The following PAK3 variants were observed in gnomAD, a reference collection of about 807,000 sequenced individuals.
The protein encoded by PAK3 is serine/threonine-protein kinase PAK 3.
Under a neutral mutation model 41.0 loss-of-function variants are expected in PAK3, and 4 were observed. The observed-to-expected ratio is 0.10, with a 90% confidence interval of 0.05 to 0.22. The LOEUF (loss-of-function observed/expected upper bound fraction) is 0.22. Among genes scored for constraint, PAK3 ranks in the 10% least tolerant of loss-of-function variants. The pLI, the probability that PAK3 is intolerant of heterozygous loss-of-function variation, is 1.00. For missense variants in PAK3, 205 were observed against 409.9 expected (o/e 0.50, Z 4.32); for synonymous variants, 146 against 139.6 (o/e 1.05, Z -0.32).
At chrX:111,210,124 T>C (rs1359878698) in intron 16 of PAK3, among the ~76,000 whole-genome samples, 1 of 111,567 alleles carries the variant, frequency 9.0e-6, no homozygotes, top group Non-Finnish European at 1.9e-5. Context: ...AGCCACCGTT[T>C]TTCTGGCCAA....
chrX:111,145,363 C>T (rs944846333), intron 6 of PAK3, among the ~76,000 whole-genome samples: 4 of 112,076 alleles, frequency 3.6e-5, no homozygotes, highest in Non-Finnish European at 7.5e-5. Flanking sequence ...GATCATAAAA[C>T]TATTTATCAC....
intron 4 of PAK3, among the ~76,000 whole-genome samples, chrX:111,118,375 T>A (rs369831737): frequency 9.0e-6 from 1 of 110,899 alleles, no homozygotes; most frequent in East Asian, 2.8e-4. Context: ...TGTATGCCTT[T>A]GGTTAAAAGA....
chrX:111,098,331 CAAAAA>C (rs3835301), intron 3 of PAK3, among the ~76,000 whole-genome samples: 10 of 89,830 alleles, frequency 1.1e-4, no homozygotes, highest in Admixed American at 3.7e-4. Flanking sequence ...GTGGCCAAGG[CAAAAA>C]AAAAAAAAAA....
At chrX:110,972,640 C>G (rs1181054073) in intron 1 of PAK3, among the ~76,000 whole-genome samples, 2 of 111,763 alleles carry the variant, frequency 1.8e-5, no homozygotes, top group African/African-American at 6.5e-5. Flanking sequence ...TTCTAAAAAT[C>G]AGAGTGCCTC....
At chrX:111,192,455 A>G (rs1430085444) in intron 12 of PAK3, 51 bp from the exon 13 acceptor site, 1 of 684,704 alleles carries the variant, frequency 1.5e-6, no homozygotes, top group Non-Finnish European at 2.4e-6. Context: ...ATGAATATTC[A>G]TGTTTATTAT....
chrX:111,057,578 GTTAACA>G (rs1394282805), intron 1 of PAK3, among the ~76,000 whole-genome samples: 1 of 111,537 alleles, frequency 9.0e-6, no homozygotes, highest in Non-Finnish European at 1.9e-5. Flanking sequence ...TTAATATCCA[GTTAACA>G]TTCAAATTTC....
rs186818632 is a variant in PAK3 at position 111,173,422 on chromosome X, G to A, written c.830+341G>A. ...AGCTTACGTAAAAACCCCCTTTATC[G>A]CAGTTCCCCCTACAGCCACATGGAT... On this transcript the variant is annotated intron_variant, in intron 11 of 17. Transcript: ENST00000372007. Among the ~76,000 whole-genome samples, 10 of 111,064 alleles carry A rather than the reference G, an allele frequency of 9.0e-5. No homozygotes were observed. The Admixed American group carries it at 9.6e-4, about 11-fold the overall frequency.
intron 1 of PAK3, among the ~76,000 whole-genome samples, chrX:110,963,030 A>G (rs1015676202): frequency 2.7e-5 from 3 of 111,940 alleles, no homozygotes; most frequent in Non-Finnish European, 5.6e-5. Context: ...TGTTATACAC[A>G]TGAAATACAG....
intron 4 of PAK3, among the ~76,000 whole-genome samples, chrX:111,108,821 G>A (rs1388932002): frequency 1.8e-5 from 2 of 112,487 alleles, no homozygotes; most frequent in African/African-American, 6.5e-5. Flanking sequence ...TGCAGGACTG[G>A]CTGAATATTA....
intron 1 of PAK3, among the ~76,000 whole-genome samples, chrX:111,086,224 A>T (rs1218927333): frequency 9.0e-6 from 1 of 111,561 alleles, no homozygotes; most frequent in East Asian, 2.8e-4. Context: ...TTTACCACAA[A>T]TCTGTAAGAG....
At chrX:111,199,398 C>T (rs2094653173) in intron 16 of PAK3, among the ~76,000 whole-genome samples, 1 of 111,062 alleles carries the variant, frequency 9.0e-6, no homozygotes, top group African/African-American at 3.3e-5. Flanking sequence ...TGACAAGGGT[C>T]TTTAAGATTC....
At chrX:110,968,741 C>A (rs973697178) in intron 1 of PAK3, among the ~76,000 whole-genome samples, 22 of 111,558 alleles carry the variant, frequency 2.0e-4, no homozygotes, top group Non-Finnish European at 3.8e-4. Flanking sequence ...TTGTTAGATG[C>A]ATGATTTGCA....
intron 1 of PAK3, among the ~76,000 whole-genome samples, chrX:111,086,157 A>G (rs1421402311): frequency 9.0e-6 from 1 of 110,821 alleles, no homozygotes; most frequent in Non-Finnish European, 1.9e-5. Flanking sequence ...AAAGTGCAAT[A>G]TAACAAAAAA....
rs183302553 is a variant in PAK3 at position 111,189,032 on chromosome X, C to T, written c.831-3095C>T. 2.3e-4 allele frequency among the ~76,000 whole-genome samples: 26 copies of T among 111,667 alleles called. No homozygotes were observed. In the East Asian group the frequency reaches 6.5e-3, roughly 28 times the overall value. ...AATTATCCCATCACCCAGAAGTCAGCATAGTACTCAACAGTTAGTTTTTCA... is the reference window on the plus strand; with the variant it reads ...AATTATCCCATCACCCAGAAGTCAGTATAGTACTCAACAGTTAGTTTTTCA... On this transcript the variant is annotated intron_variant, in intron 11 of 17. Transcript: ENST00000372007.
chrX:110,985,931 A>T (rs1165747616), intron 1 of PAK3, among the ~76,000 whole-genome samples: 1 of 111,456 alleles, frequency 9.0e-6, no homozygotes, highest in East Asian at 2.8e-4. Flanking sequence ...CCCTAGGATT[A>T]TCCCTCTACC....
At chrX:111,031,779 A>G (rs1032827827) in intron 1 of PAK3, among the ~76,000 whole-genome samples, 7 of 111,775 alleles carry the variant, frequency 6.3e-5, no homozygotes, top group Non-Finnish European at 1.1e-4. Context: ...CTGTGGGTCT[A>G]TGAACTGGGA....
intron 5 of PAK3, among the ~76,000 whole-genome samples, chrX:111,124,537 TGAA>T (rs1437353671): frequency 1.2e-4 from 14 of 112,260 alleles, no homozygotes; most frequent in African/African-American, 4.5e-4. Flanking sequence ...AGGAAGTGGC[TGAA>T]GAAGGGGATT....
chrX:111,108,184 A>T (rs2093308784), intron 4 of PAK3, among the ~76,000 whole-genome samples: 1 of 112,016 alleles, frequency 8.9e-6, no homozygotes, highest in African/African-American at 3.2e-5. Context: ...CAGCAGTCAG[A>T]ATTTAGAGAA....
intron 1 of PAK3, among the ~76,000 whole-genome samples, chrX:111,042,317 T>C (rs1211342781): frequency 3.6e-5 from 4 of 112,094 alleles, no homozygotes; most frequent in Admixed American, 9.4e-5. Context: ...TGAGTGACCA[T>C]TGGTCTTATC....
Sources: allele counts gnomAD v4.1 joint callset (sites outside exome capture counted in the v4.1 genomes callset), GRCh38; gene constraint gnomAD v4.1.1; transcripts MANE v1.5; gene names NCBI Gene and HGNC (gene_info 2026-07-23, HGNC 2026-07-21).